Variants in SPC25 observed in about 807,000 individuals in gnomAD.
SPC25 encodes kinetochore protein Spc25.
A neutral mutation model predicts 29.6 loss-of-function variants in SPC25; 22 were observed. The observed-to-expected ratio is 0.74, with a 90% CI of 0.53 to 1.06. The LOEUF is 1.06. SPC25 is among the 50% of genes least tolerant of loss of function. The pLI, the probability that SPC25 is intolerant of heterozygous loss-of-function variation, is 0.00. For missense variants in SPC25, 230 were observed against 255.8 expected (o/e 0.90, Z 0.69); for synonymous variants, 91 against 90.4 (o/e 1.01, Z -0.04).
chr2:168,873,015 T>C (rs934534438), intron 6 of SPC25, among the ~76,000 whole-genome samples: 4 of 152,176 alleles, frequency 2.6e-5, no homozygotes, highest in Non-Finnish European at 5.9e-5. Flanking sequence ...AAGAGATAAA[T>C]ATATTTCTAT....
chr2:168,864,240 G>A (rs537892451), intron 4 of SPC25, among the ~76,000 whole-genome samples: 5 of 150,776 alleles, frequency 3.3e-5, no homozygotes, highest in South Asian at 2.1e-4. Flanking sequence ...GCCTCCCAAC[G>A]TGCTGGGATT....
chr2:168,863,362 T>TC, intron 4 of SPC25: 1 of 971,320 alleles, frequency 1.0e-6, no homozygotes, highest in Non-Finnish European at 1.2e-6. Context: ...GAGTTAATAA[T>TC]TTCCTTTGTC....
chr2:168,879,505 C>T (rs1690139659), intron 3 of SPC25, among the ~76,000 whole-genome samples: 2 of 152,196 alleles, frequency 1.3e-5, no homozygotes, highest in African/African-American at 4.8e-5. Context: ...CTTCAGGCTC[C>T]ACTTCTAAAT....
At chr2:168,875,787 T>C (rs1690074342) in intron 5 of SPC25, among the ~76,000 whole-genome samples, 1 of 152,144 alleles carries the variant, frequency 6.6e-6, no homozygotes, top group African/African-American at 2.4e-5. Flanking sequence ...TTATGAAGAC[T>C]ATAGCAACTG....
intron 3 of SPC25, among the ~76,000 whole-genome samples, chr2:168,886,194 C>T (rs996711103): frequency 2.0e-5 from 3 of 151,208 alleles, no homozygotes; most frequent in African/African-American, 7.3e-5. Flanking sequence ...GCTGGGACTA[C>T]AGGTGCCCAC....
intron 3 of SPC25, among the ~76,000 whole-genome samples, chr2:168,878,272 T>C (rs896515624): frequency 1.3e-5 from 2 of 152,160 alleles, no homozygotes; most frequent in Admixed American, 6.5e-5. Context: ...TTAAAAATAA[T>C]CCACTAAGAG....
chr2:168,882,628 G>A (rs1192616737), intron 3 of SPC25, among the ~76,000 whole-genome samples: 2 of 131,420 alleles, frequency 1.5e-5, no homozygotes. Context: ...TAAATAAACA[G>A]ACAGACAGAC....
Position 168,886,024 on chromosome 2 carries a change from T to C in SPC25, c.199+3202A>G, listed in dbSNP as rs538618814. ...GATTCTATCCTCACACAGCATCTAT[T>C]ACATTATTCTAACAACGAATACAAT... On this transcript the variant is annotated intron_variant, in intron 3 of 6. Coordinates refer to ENST00000282074, the MANE Select transcript of SPC25 (RefSeq NM_020675.4). 3.0e-4 allele frequency among the ~76,000 whole-genome samples: 45 copies of C among 151,940 alleles called. No individual in the cohort carries two copies. In the South Asian group the frequency reaches 9.2e-3, roughly 31 times the overall value.
intron 4 of SPC25, among the ~76,000 whole-genome samples, chr2:168,862,292 T>C (rs1193188094): frequency 3.3e-5 from 5 of 152,208 alleles, no homozygotes; most frequent in African/African-American, 1.2e-4. Context: ...CATGAAACCC[T>C]TGGAGGGTTT....
At chr2:168,862,418 C>T (rs1689521286) in intron 4 of SPC25, among the ~76,000 whole-genome samples, 1 of 152,172 alleles carries the variant, frequency 6.6e-6, no homozygotes, top group Admixed American at 6.5e-5. Context: ...CAGTCATGCT[C>T]CTAATCACAG....
In SPC25 at chr2:168,873,824, G is replaced by A. The variant is rs757752212; in HGVS notation, c.452-141C>T. ...TTCCAAATGCAGAAGTTACAAATTCGTTTTAAAATATATTATAGTTTCAAT... is the reference window on the plus strand; with the variant it reads ...TTCCAAATGCAGAAGTTACAAATTCATTTTAAAATATATTATAGTTTCAAT... On this transcript the variant is annotated intron_variant, in intron 5 of 6. Coordinates refer to ENST00000282074, the MANE Select transcript of SPC25 (RefSeq NM_020675.4). The A allele has an allele frequency of 2.5e-4, 118 of 470,966 alleles. 1 individual carries two copies. Among genetic ancestry groups the A allele is most frequent in the African/African-American group, 2.3e-4 (12 of 51,460 alleles). The allele number at this position is 470,966 out of a possible 1,614,324, so 29.2% of individuals were successfully genotyped here. A position where few individuals can be genotyped will look rare whatever the true frequency, so the allele number is the denominator to read the frequency against.
intron 3 of SPC25, among the ~76,000 whole-genome samples, chr2:168,888,491 C>T (rs1290716015): frequency 6.6e-6 from 1 of 151,462 alleles, no homozygotes; most frequent in Non-Finnish European, 1.5e-5. Context: ...GGAGGCGGAG[C>T]TTGCAGTGAG....
chr2:168,868,544 A>G (rs1689915632), downstream of SPC25, among the ~76,000 whole-genome samples: 1 of 152,186 alleles, frequency 6.6e-6, no homozygotes, highest in Non-Finnish European at 1.5e-5. Context: ...ATCCCACAGA[A>G]ATACAAACTA....
chr2:168,879,664 G>A (rs920224501), intron 3 of SPC25, among the ~76,000 whole-genome samples: 1 of 152,092 alleles, frequency 6.6e-6, no homozygotes, highest in African/African-American at 2.4e-5. Flanking sequence ...AATCACGAAT[G>A]TTCTATGGCA....
At chr2:168,863,084 C>T (rs1689573434) in intron 4 of SPC25, among the ~76,000 whole-genome samples, 1 of 152,110 alleles carries the variant, frequency 6.6e-6, no homozygotes, top group Non-Finnish European at 1.5e-5. Context: ...ATTTAAGTTA[C>T]ATCATTCACA....
chr2:168,862,063 T>C (rs377241752), intron 4 of SPC25: 2 of 1,609,030 alleles, frequency 1.2e-6, no homozygotes, highest in Non-Finnish European at 8.5e-7. Context: ...AGAATCATTC[T>C]CAAATATTTT....
At position 168,888,376 on chromosome 2, in the gene SPC25, A is replaced by T. The variant is rs187706233; in HGVS notation, c.199+850T>A. Among the ~76,000 whole-genome samples the T allele has an allele frequency of 6.7e-3, 1,022 of 152,300 alleles. 13 individuals carry two copies. Among genetic ancestry groups the T allele is most frequent in the South Asian group, 0.013 (62 of 4,830 alleles). ...TGAGACCGTCTTGGCTAACACAGTG[A>T]AACCCTGTCTGTACTAAAAATACAA... On this transcript the variant is annotated intron_variant, in intron 3 of 6. Transcript: ENST00000282074.
downstream of SPC25, among the ~76,000 whole-genome samples, chr2:168,866,808 C>T (rs1472740322): frequency 4.6e-5 from 7 of 151,182 alleles, no homozygotes; most frequent in Non-Finnish European, 7.4e-5. Context: ...AAAAAGTGGG[C>T]GAAGGATATG....
At chr2:168,874,833 AG>A (rs1484311279) in intron 5 of SPC25, among the ~76,000 whole-genome samples, 1 of 152,118 alleles carries the variant, frequency 6.6e-6, no homozygotes, top group East Asian at 1.9e-4. Flanking sequence ...CACTCTTGAA[AG>A]CTTGTGCCAG....
Sources: gnomAD v4.1 joint callset for allele counts (sites outside exome capture counted in the v4.1 genomes callset) on GRCh38, gnomAD v4.1.1 for gene constraint, MANE v1.5 for transcripts, NCBI Gene and HGNC (gene_info 2026-07-23, HGNC 2026-07-21) for gene names.